DGKB: variants seen among roughly 807,000 people sequenced by gnomAD.
DGKB encodes the protein diacylglycerol kinase beta, also known as 90 kDa diacylglycerol kinase.
Under a neutral mutation model 114.3 loss-of-function variants are expected in DGKB, and 67 were observed. That is an observed-to-expected ratio of 0.59 (90% CI 0.48 to 0.72). DGKB has a LOEUF of 0.72. Ranked by LOEUF, DGKB falls within the 30% of genes least tolerant of loss-of-function variation. The probability of loss-of-function intolerance (pLI) is 0.00; values close to 1 mark genes in which losing one functional copy is unlikely to be tolerated. For synonymous variants in DGKB, 398 were observed against 323.1 expected, an observed-to-expected ratio of 1.23 and a Z score of -2.49; for missense variants, 907 against 975.2, an observed-to-expected ratio of 0.93 and a Z score of 0.93.
At chr7:14,854,798 T>C (rs1849889788) in intron 1 of DGKB, among the ~76,000 whole-genome samples, 1 of 152,180 alleles carries the variant, frequency 6.6e-6, no homozygotes, top group Non-Finnish European at 1.5e-5. Flanking sequence ...TTTTAATCTA[T>C]AGAAGTTTAT....
chr7:14,655,447 T>C (rs931019346), intron 13 of DGKB, among the ~76,000 whole-genome samples: 6 of 151,846 alleles, frequency 4.0e-5, no homozygotes, highest in African/African-American at 1.4e-4. Flanking sequence ...GAATTATAGT[T>C]AGTACAACTA....
chr7:14,217,308 T>C (rs1418270795), intron 23 of DGKB, among the ~76,000 whole-genome samples: 1 of 152,182 alleles, frequency 6.6e-6, no homozygotes, highest in Non-Finnish European at 1.5e-5. Context: ...TCCTCTACCT[T>C]TATTTGAATT....
intron 2 of DGKB, among the ~76,000 whole-genome samples, chr7:14,790,492 AT>A (rs1168253862): frequency 1.6e-4 from 20 of 127,556 alleles, no homozygotes; most frequent in African/African-American, 3.0e-4. Context: ...ATTTAGGCTC[AT>A]TTTTTTTGTT....
intron 21 of DGKB, among the ~76,000 whole-genome samples, chr7:14,422,388 A>G (rs559188575): frequency 6.6e-6 from 1 of 152,210 alleles, no homozygotes; most frequent in Non-Finnish European, 1.5e-5. Context: ...CTCTGCGAAT[A>G]AAGAAACAGA....
rs187934945 is a variant in DGKB at position 14,436,690 on chromosome 7, A to T, written c.1835+41471T>A. 2.6e-5 allele frequency among the ~76,000 whole-genome samples: 4 copies of T among 152,020 alleles called. No homozygotes were observed. In the East Asian group the frequency reaches 7.7e-4, roughly 29 times the overall value. ...GTAAATTGCTTTGATTTTTTATTTC[A>T]CTCTTAGTGATTTTCCAGTGGTTCA... On this transcript the variant is annotated intron_variant, in intron 21 of 25. Transcript: ENST00000402815.
chr7:14,638,276 C>T (rs190928289), intron 13 of DGKB, among the ~76,000 whole-genome samples: 4 of 152,184 alleles, frequency 2.6e-5, no homozygotes, highest in East Asian at 1.9e-4. Flanking sequence ...AGAGCCATTC[C>T]GGAAACTAAA....
intron 23 of DGKB, among the ~76,000 whole-genome samples, chr7:14,230,536 C>A (rs1209161850): frequency 6.6e-6 from 1 of 151,856 alleles, no homozygotes; most frequent in Non-Finnish European, 1.5e-5. Flanking sequence ...GAAATCAATG[C>A]CATCAAATAA....
chr7:14,700,994 G>C (rs1002018489), intron 7 of DGKB, among the ~76,000 whole-genome samples: 3 of 152,066 alleles, frequency 2.0e-5, no homozygotes, highest in African/African-American at 7.2e-5. Flanking sequence ...GTACTGATCT[G>C]TGCACTAAGA....
At chr7:14,269,971 A>G (rs1798038336) in intron 23 of DGKB, among the ~76,000 whole-genome samples, 1 of 151,220 alleles carries the variant, frequency 6.6e-6, no homozygotes. Context: ...TGGCAAGATT[A>G]AAATGTACTG....
chr7:14,340,793 A>C (rs189307526), intron 22 of DGKB, among the ~76,000 whole-genome samples: 5 of 151,858 alleles, frequency 3.3e-5, no homozygotes, highest in Non-Finnish European at 7.4e-5. Flanking sequence ...TTTAAATAAC[A>C]GAAGAATCAT....
rs560967328 is a variant in DGKB at position 14,605,857 on chromosome 7, T to C, written c.1433+1577A>G. Reference sequence around the variant, plus strand: ...GACATGCTATGCAGTAAGTACATTGTTATTTGCTTCATAGGCATTATCCCA... The same window carrying C: ...GACATGCTATGCAGTAAGTACATTGCTATTTGCTTCATAGGCATTATCCCA... On this transcript the variant is annotated intron_variant, in intron 17 of 25. Transcript: ENST00000402815. 1.6e-4 allele frequency among the ~76,000 whole-genome samples: 24 copies of C among 152,224 alleles called. No homozygotes were observed. The East Asian group carries it at 4.6e-3, about 29-fold the overall frequency.
chr7:14,394,215 G>A (rs561215615), intron 21 of DGKB, among the ~76,000 whole-genome samples: 1 of 152,140 alleles, frequency 6.6e-6, no homozygotes, highest in African/African-American at 2.4e-5. Flanking sequence ...TTACTTGGGA[G>A]ATATTTCTAA....
chr7:14,542,445 A>G (rs1326250856), intron 20 of DGKB, among the ~76,000 whole-genome samples: 1 of 151,936 alleles, frequency 6.6e-6, no homozygotes, highest in African/African-American at 2.4e-5. Flanking sequence ...CTTTACTCAC[A>G]ACATTCTTCT....
intron 13 of DGKB, among the ~76,000 whole-genome samples, chr7:14,660,006 T>C (rs1211260075): frequency 1.3e-5 from 2 of 151,272 alleles, no homozygotes; most frequent in Non-Finnish European, 3.0e-5. Flanking sequence ...GGTTTTTGTC[T>C]TTGGCTCTGT....
chr7:14,813,409 C>A (rs969341010), intron 2 of DGKB, among the ~76,000 whole-genome samples: 1 of 152,134 alleles, frequency 6.6e-6, no homozygotes, highest in Non-Finnish European at 1.5e-5. Context: ...AACATGGAAA[C>A]AAAGTAATCT....
intron 21 of DGKB, among the ~76,000 whole-genome samples, chr7:14,472,103 A>C (rs922897379): frequency 6.6e-6 from 1 of 152,212 alleles, no homozygotes; most frequent in Non-Finnish European, 1.5e-5. Context: ...GGTGTTACAC[A>C]TTAAGAATTT....
chr7:14,866,355 A>G (rs1191598007), intron 1 of DGKB, among the ~76,000 whole-genome samples: 1 of 152,154 alleles, frequency 6.6e-6, no homozygotes, highest in Non-Finnish European at 1.5e-5. Flanking sequence ...TCTTCATTTT[A>G]TAGAGTAGTT....
chr7:14,793,236 T>A (rs1439978172), intron 2 of DGKB, among the ~76,000 whole-genome samples: 1 of 152,102 alleles, frequency 6.6e-6, no homozygotes. Flanking sequence ...CTATTAGAAA[T>A]GCATTCTGTA....
intron 23 of DGKB, among the ~76,000 whole-genome samples, chr7:14,247,197 C>T (rs1199270669): frequency 2.0e-5 from 3 of 152,046 alleles, no homozygotes; most frequent in African/African-American, 7.2e-5. Context: ...AAATATTCCA[C>T]TGTGTGTGTA....
Sources: allele counts gnomAD v4.1 joint callset (sites outside exome capture counted in the v4.1 genomes callset), GRCh38; gene constraint gnomAD v4.1.1; transcripts MANE v1.5; gene names NCBI Gene and HGNC (gene_info 2026-07-23, HGNC 2026-07-21).